Variants in TXNDC11 observed in about 807,000 individuals in gnomAD.
The protein encoded by TXNDC11 is thioredoxin domain-containing protein 11.
A neutral mutation model predicts 78.0 loss-of-function variants in TXNDC11; 68 were observed. That is an observed-to-expected ratio of 0.87 (90% CI 0.72 to 1.07). The LOEUF is 1.07. TXNDC11 is among the 50% of genes least tolerant of loss of function. The pLI, the probability that TXNDC11 is intolerant of heterozygous loss-of-function variation, is 0.00. For missense variants in TXNDC11, 1,389 were observed against 1,221.8 expected, an observed-to-expected ratio of 1.14 and a Z score of -2.04; for synonymous variants, 571 against 495.2, an observed-to-expected ratio of 1.15 and a Z score of -2.03.
In TXNDC11 at chr16:11,721,560, T is replaced by C; in HGVS notation, c.793+17A>G. The C allele has an allele frequency of 6.9e-7, 1 of 1,444,354 alleles. No individual in the cohort carries two copies. The highest frequency in any genetic ancestry group is 1.2e-5 in the South Asian group (1 of 85,974). 89.5% of individuals were successfully genotyped at this position (1,444,354 alleles called of 1,614,324 possible). A position where few individuals can be genotyped will look rare whatever the true frequency, so the allele number is the denominator to read the frequency against. ...TTCTACTGAAGTAACAATGTCTTAATATGAATCATTTTTTACCTTTCTTTA... is the reference window on the plus strand; with the variant it reads ...TTCTACTGAAGTAACAATGTCTTAACATGAATCATTTTTTACCTTTCTTTA... On this transcript the variant is annotated intron_variant, in intron 5 of 11. Transcript: ENST00000283033.
intron 10 of TXNDC11, 59 bp downstream of exon 10, chr16:11,687,798 T>C: frequency 8.5e-7 from 1 of 1,177,270 alleles, no homozygotes; most frequent in South Asian, 1.3e-5. Context: ...ATGGCTAAGC[T>C]GCAAATAAGA....
intron 4 of TXNDC11, among the ~76,000 whole-genome samples, chr16:11,727,245 A>T (rs545666806): frequency 4.4e-4 from 66 of 151,424 alleles, no homozygotes; most frequent in Admixed American, 4.2e-3. Context: ...TACGCAAGAA[A>T]TTTTTTTTTA....
chr16:11,684,679 G>C (rs1393073201), intron 10 of TXNDC11, among the ~76,000 whole-genome samples: 1 of 152,096 alleles, frequency 6.6e-6, no homozygotes, highest in East Asian at 1.9e-4. Context: ...ACCAAAAACA[G>C]CCTATTTTCT....
chr16:11,730,747 G>A lies in TXNDC11; in HGVS notation c.597C>T (p.Pro199=), dbSNP rs777035371. The change falls in exon 4 of 12, where the codon CCC becomes CCT. Residue 199 remains proline (P), a synonymous_variant. Coordinates refer to ENST00000283033, the MANE Select transcript of TXNDC11 (RefSeq NM_015914.7). ...ACTTCTCAATGTAAACAGCACTCAT[G>A]GGGCCTTTGTATTCGATTGGTCCAA... The part of the protein sequence containing the change: ...RSFGPIEYKG[P]MSAVYIEKFV... 1 of 1,608,388 alleles carries A rather than the reference G, an allele frequency of 6.2e-7. No homozygotes were observed. Among genetic ancestry groups the A allele is most frequent in the Non-Finnish European group, 8.5e-7 (1 of 1,176,364 alleles).
chr16:11,700,643 A>G (rs1375360958), intron 5 of TXNDC11, 79 bp from the exon 6 acceptor site: 8 of 707,002 alleles, frequency 1.1e-5, no homozygotes, highest in Non-Finnish European at 2.0e-5. Context: ...TCAAGTCTTG[A>G]AGCACAAACC....
intron 11 of TXNDC11, among the ~76,000 whole-genome samples, chr16:11,682,003 A>G (rs2050437492): frequency 6.6e-6 from 1 of 152,174 alleles, no homozygotes; most frequent in African/African-American, 2.4e-5. Flanking sequence ...ACACCTCAAC[A>G]TTTTCCCCTC....
intron 5 of TXNDC11, among the ~76,000 whole-genome samples, chr16:11,706,809 A>G (rs2051194002): frequency 6.6e-6 from 1 of 152,198 alleles, no homozygotes; most frequent in African/African-American, 2.4e-5. Context: ...AGTTTGGATA[A>G]AAGCTTTTTG....
intron 7 of TXNDC11, among the ~76,000 whole-genome samples, chr16:11,692,819 G>A (rs150237290): frequency 2.6e-5 from 4 of 152,256 alleles, no homozygotes; most frequent in East Asian, 1.9e-4. Context: ...AATCTGGCCC[G>A]TTTGGCTTTC....
intron 4 of TXNDC11, among the ~76,000 whole-genome samples, chr16:11,726,539 C>T (rs1313471373): frequency 3.4e-5 from 5 of 147,420 alleles, no homozygotes; most frequent in Non-Finnish European, 4.5e-5. Flanking sequence ...AAGATCACGC[C>T]GCTGCACTCC....
intron 5 of TXNDC11, among the ~76,000 whole-genome samples, chr16:11,709,594 C>T (rs913687989): frequency 6.6e-6 from 1 of 151,518 alleles, no homozygotes; most frequent in African/African-American, 2.4e-5. Context: ...GCTACCATGC[C>T]CGGCTAATTT....
rs750257793 is a variant in TXNDC11, at chr16:11,679,502, T to G, written c.2570A>C (p.Glu857Ala). 1.2e-6 allele frequency: 2 copies of G among 1,613,512 alleles called. No homozygotes were observed. Among genetic ancestry groups the G allele is most frequent in the Non-Finnish European group, 1.7e-6 (2 of 1,180,026 alleles). ...EQHSLLHAHS[E>A]QLQALYEQKT... is the part of the protein sequence containing the mutation. ...CTGCTCATAGAGGGCCTGCAGCTGC[T>G]CACTGTGTGCGTGGAGCAGGCTGTG... is the stretch of plus-strand genomic sequence containing the variant. Residue 857 changes from glutamate (E) to alanine (A), a missense_variant, in exon 12 of 12, where the codon GAG becomes GCG. By Grantham distance (107) the Glu-to-Ala change is moderately radical. Coordinates refer to ENST00000283033, the MANE Select transcript of TXNDC11 (RefSeq NM_015914.7). This position sits in a 1 kb window ranked among gnomAD's most constrained non-coding sequence, Gnocchi z 4.6.
rs75637859 is a variant in TXNDC11, at chr16:11,738,712, G to A, written c.255-2479C>T. Reference sequence around the variant, plus strand: ...AAGAGATCCAAAATTCTGCTCTTTGGAGAAATTACTTTTCTACCATTCAAA... The same window carrying A: ...AAGAGATCCAAAATTCTGCTCTTTGAAGAAATTACTTTTCTACCATTCAAA... On this transcript the variant is annotated intron_variant, in intron 1 of 11. Coordinates refer to ENST00000283033, the MANE Select transcript of TXNDC11 (RefSeq NM_015914.7). 1.2e-4 allele frequency among the ~76,000 whole-genome samples: 18 copies of A among 152,108 alleles called. No individual in the cohort carries two copies. In the East Asian group the frequency reaches 3.3e-3, roughly 28 times the overall value.
chr16:11,711,705 G>A (rs768595080), intron 5 of TXNDC11, among the ~76,000 whole-genome samples: 1 of 152,070 alleles, frequency 6.6e-6, no homozygotes, highest in African/African-American at 2.4e-5. Context: ...TAACCTATTC[G>A]CAGGTTCTAC....
At chr16:11,721,725 T>G in intron 4 of TXNDC11, 55 bp from the exon 5 acceptor site, 1 of 972,410 alleles carries the variant, frequency 1.0e-6, no homozygotes, top group South Asian at 1.4e-5. Flanking sequence ...CACAGTGTAA[T>G]GGAGGATATT....
intron 3 of TXNDC11, 97 bp downstream of exon 3, chr16:11,733,885 G>T: frequency 1.2e-6 from 1 of 805,182 alleles, no homozygotes; most frequent in Non-Finnish European, 2.0e-6. Flanking sequence ...ATTTTCTATA[G>T]TGAATATCTA....
intron 5 of TXNDC11, among the ~76,000 whole-genome samples, chr16:11,713,039 G>C (rs570541591): frequency 6.6e-6 from 1 of 151,082 alleles, no homozygotes; most frequent in Non-Finnish European, 1.5e-5. Context: ...CCCAGGAGGC[G>C]GAGGTTGCGG....
chr16:11,699,320 C>T (rs1434751243), intron 6 of TXNDC11, among the ~76,000 whole-genome samples: 1 of 152,152 alleles, frequency 6.6e-6, no homozygotes, highest in East Asian at 1.9e-4. Context: ...TTTCTCAGTA[C>T]CCTTTACTAT....
chr16:11,737,282 C>A (rs1371206350), intron 1 of TXNDC11, among the ~76,000 whole-genome samples: 2 of 151,392 alleles, frequency 1.3e-5, no homozygotes, highest in Admixed American at 1.3e-4. Context: ...CCTGTCTCTA[C>A]TGAAAATGAA....
chr16:11,740,693 T>G (rs1415239705), intron 1 of TXNDC11, among the ~76,000 whole-genome samples: 1 of 152,148 alleles, frequency 6.6e-6, no homozygotes, highest in Non-Finnish European at 1.5e-5. Flanking sequence ...ATCTAGGAGG[T>G]CCTGACAATA....
Sources: gnomAD v4.1 joint callset for allele counts (sites outside exome capture counted in the v4.1 genomes callset) on GRCh38, gnomAD v4.1.1 for gene constraint, Gnocchi (gnomAD v3.1) non-coding constraint, MANE v1.5 for transcripts, NCBI Gene and HGNC (gene_info 2026-07-23, HGNC 2026-07-21) for gene names.